Variants in CHD5 observed in about 807,000 individuals in gnomAD.
CHD5 encodes chromodomain helicase DNA binding protein 5.
In CHD5, 69 loss-of-function variants were observed where a neutral mutation model predicts 230.3. The ratio of observed to expected loss-of-function variants is 0.30; its 90% CI spans 0.25 to 0.37. The LOEUF (loss-of-function observed/expected upper bound fraction) is 0.37, where lower values mean the gene tolerates loss of function less well. CHD5 is among the 10% of genes least tolerant of loss of function. CHD5 has a pLI of 1.00. For missense variants in CHD5, 1,827 were observed against 2,622.8 expected (o/e 0.70, Z 6.63); for synonymous variants, 1,064 against 1,065.9 (o/e 1.00, Z 0.03).
intron 38 of CHD5, 36 bp downstream of exon 38, chr1:6,109,759 C>G: frequency 6.4e-7 from 1 of 1,573,620 alleles, no homozygotes; most frequent in Non-Finnish European, 8.7e-7. Flanking sequence ...GGAGGAAGGG[C>G]GGGGGGCTGC....
At chr1:6,179,436 C>A (rs1667477166) in intron 1 of CHD5, among the ~76,000 whole-genome samples, 1 of 152,146 alleles carries the variant, frequency 6.6e-6, no homozygotes, top group Non-Finnish European at 1.5e-5. Context: ...GGGCGCTCAA[C>A]GCGTCCCCAA....
rs750348319 is a variant in CHD5, at chr1:6,144,125, C to G, written c.1833G>C (p.Leu611=). 24 of 1,614,178 alleles carry G rather than the reference C, an allele frequency of 1.5e-5. 1 individual carries two copies. In the South Asian group the frequency reaches 2.5e-4, roughly 17 times the overall value. The change falls in exon 12 of 42, where the codon CTG becomes CTC. Residue 611 remains leucine, a synonymous_variant. Transcript: ENST00000262450. ...SFDKKGDVHY[L]IKWKDLPYDQ... is the part of the protein sequence containing the mutation. ...CGTAGGGCAGGTCTTTCCACTTGAT[C>G]AGGTAGTGCACATCCCCCTTCTTGT...
rs751171506 is a variant in CHD5, at chr1:6,159,417, TTTCTTC to T, written c.300_305del (p.Lys101_Lys102del). On this transcript the variant is annotated inframe_deletion, in exon 3 of 42. Coordinates refer to ENST00000262450, the MANE Select transcript of CHD5 (RefSeq NM_015557.3). ...CTTTTTTCTCCTTCTTGTCCTTGAG[TTTCTTC>T]TTCTTCTTTTTATTCGGGGAGTAGT... The T allele has an allele frequency of 1.9e-6, 3 of 1,561,694 alleles. No individual in the cohort carries two copies. The highest frequency in any genetic ancestry group is 2.7e-5 in the African/African-American group (2 of 73,420).
chr1:6,131,767 C>G lies in CHD5; in HGVS notation c.3145-19G>C. 1.9e-6 allele frequency: 3 copies of G among 1,544,632 alleles called. No individual in the cohort carries two copies. Among genetic ancestry groups the G allele is most frequent in the Non-Finnish European group, 2.7e-6 (3 of 1,118,406 alleles). ...TGGTCATCTGCAGGGGAGACGGGCA[C>G]GTGAGGAACTGCCAAGGAGCAAGGG... On this transcript the variant is annotated intron_variant, in intron 20 of 41. Transcript: ENST00000262450. The surrounding 1 kb of genome is among the most constrained non-coding windows in gnomAD (Gnocchi z 5.0).
At chr1:6,152,945 G>T (rs1226428441) in intron 5 of CHD5, among the ~76,000 whole-genome samples, 1 of 152,224 alleles carries the variant, frequency 6.6e-6, no homozygotes, top group Non-Finnish European at 1.5e-5. Flanking sequence ...GAGCCAAAAG[G>T]CCTTTTCCCA....
At chr1:6,106,834 G>A in intron 38 of CHD5, 55 bp from the exon 39 acceptor site, 7 of 1,496,076 alleles carry the variant, frequency 4.7e-6, no homozygotes, top group Non-Finnish European at 6.4e-6. Context: ...GTGGAGGGAT[G>A]GAGGAGTGGA....
Position 6,121,655 on chromosome 1 carries a change from A to C in CHD5, c.4700-82T>G. 2.0e-6 allele frequency: 2 copies of C among 994,166 alleles called. No individual in the cohort carries two copies. Among genetic ancestry groups the C allele is most frequent in the Non-Finnish European group, 3.1e-6 (2 of 654,374 alleles). The allele number at this position is 994,166 out of a possible 1,614,324, so 61.6% of individuals were successfully genotyped here. A position where few individuals can be genotyped will look rare whatever the true frequency, so the allele number is the denominator to read the frequency against. ...CAGGGAGTGGGGTGGCAGAGAGGAG[A>C]GATGGGGGCTTGGCCTTCGGGAGGC... On this transcript the variant is annotated intron_variant, in intron 31 of 41. Coordinates refer to ENST00000262450, the MANE Select transcript of CHD5 (RefSeq NM_015557.3). The surrounding 1 kb of genome is among the most constrained non-coding windows in gnomAD (Gnocchi z 4.5).
At chr1:6,162,394 AAAAGAAAAGAAAAG>A (rs1021548366) in intron 2 of CHD5, among the ~76,000 whole-genome samples, 4 of 152,010 alleles carry the variant, frequency 2.6e-5, no homozygotes, top group Non-Finnish European at 4.4e-5. Flanking sequence ...CTCAAAAAAA[AAAAGAAAAGAAAAG>A]AAAGAAAAGA....
chr1:6,106,453 G>A lies in CHD5; in HGVS notation c.5799C>T (p.Gly1933=), dbSNP rs781029461. ...AGTTGACAATCCCTCCCGGTCCAGG[G>A]CCCCGGAAGTTGGGCCCAAAGTTGT... ...YSNNFGPNFR[G]PGPGGIVNYN... The change falls in exon 40 of 42, where the codon GGC becomes GGT. Residue 1933 remains glycine (G), a synonymous_variant. Transcript: ENST00000262450. The A allele has an allele frequency of 3.8e-6, 6 of 1,566,158 alleles. No individual in the cohort carries two copies. The South Asian group carries it at 7.0e-5, about 18-fold the overall frequency.
intron 11 of CHD5, among the ~76,000 whole-genome samples, chr1:6,145,646 G>A (rs1666897434): frequency 6.6e-6 from 1 of 152,228 alleles, no homozygotes; most frequent in South Asian, 2.1e-4. Flanking sequence ...AGGAAGAGCT[G>A]CTGCTGGGGC....
rs1426796259 is a variant in CHD5, at chr1:6,102,123, G to A, written c.*3351C>T. The A allele has an allele frequency of 3.1e-6, 1 of 327,232 alleles. No homozygotes were observed. The highest frequency in any genetic ancestry group is 5.6e-5 in the Admixed American group (1 of 17,736). 20.3% of individuals were successfully genotyped at this position (327,232 alleles called of 1,614,324 possible). A position where few individuals can be genotyped will look rare whatever the true frequency, so the allele number is the denominator to read the frequency against. Reference sequence around the variant, plus strand: ...CACACCCCTGAACTCAGACCCCACGGGCCAGTGGGGACCCTCCCTTCCTCT... The same window carrying A: ...CACACCCCTGAACTCAGACCCCACGAGCCAGTGGGGACCCTCCCTTCCTCT... On this transcript the variant is annotated 3_prime_UTR_variant, in exon 42 of 42. Transcript: ENST00000262450.
intron 1 of CHD5, among the ~76,000 whole-genome samples, chr1:6,170,838 G>C (rs949881949): frequency 1.3e-5 from 2 of 152,230 alleles, no homozygotes; most frequent in African/African-American, 4.8e-5. Flanking sequence ...AGGTGTCGGT[G>C]GGGCAGTGGC....
chr1:6,175,390 C>A (rs11121416), intron 1 of CHD5, among the ~76,000 whole-genome samples: 10,598 of 107,294 alleles, frequency 0.099, 1,345 homozygotes, highest in African/African-American at 0.39. Context: ...TGGATGGATG[C>A]ATGGATGGAT....
chr1:6,114,167 C>T (rs1557537867), intron 33 of CHD5, among the ~76,000 whole-genome samples: 9 of 151,814 alleles, frequency 5.9e-5, no homozygotes, highest in Non-Finnish European at 7.4e-5. Flanking sequence ...GCAGGAGAAT[C>T]GCTTGAACCC....
At position 6,142,045 on chromosome 1, in the gene CHD5, C is replaced by A. The variant is rs960265798; in HGVS notation, c.2436+83G>T. The stretch of plus-strand genomic sequence containing the variant: ...CGGTAGCCCTCCCAGGCTGAGGGAC[C>A]CCAAAGGAGTGCACGGCACCCGTGG... On this transcript the variant is annotated intron_variant, in intron 15 of 41. Coordinates refer to ENST00000262450, the MANE Select transcript of CHD5 (RefSeq NM_015557.3). The surrounding 1 kb of genome is among the most constrained non-coding windows in gnomAD (Gnocchi z 5.2). The A allele has an allele frequency of 6.2e-6, 8 of 1,288,902 alleles. No homozygotes were observed. The highest frequency in any genetic ancestry group is 1.3e-5 in the South Asian group (1 of 79,662). 79.8% of individuals were successfully genotyped at this position (1,288,902 alleles called of 1,614,324 possible). A position where few individuals can be genotyped will look rare whatever the true frequency, so the allele number is the denominator to read the frequency against.
intron 1 of CHD5, among the ~76,000 whole-genome samples, chr1:6,172,982 G>A (rs1446119151): frequency 6.6e-6 from 1 of 152,120 alleles, no homozygotes; most frequent in Non-Finnish European, 1.5e-5. Flanking sequence ...AGGATTTGCA[G>A]GGGCCAAGCC....
rs1252424892 is a variant in CHD5 at position 6,121,018 on chromosome 1, GA to G, written c.4912+86del. The G allele has an allele frequency of 7.1e-7, 1 of 1,400,612 alleles. No homozygotes were observed. Among genetic ancestry groups the G allele is most frequent in the East Asian group, 2.6e-5 (1 of 38,820 alleles). 86.8% of individuals were successfully genotyped at this position (1,400,612 alleles called of 1,614,324 possible). A position where few individuals can be genotyped will look rare whatever the true frequency, so the allele number is the denominator to read the frequency against. ...CCTCTCTGCCAGGGAGAAATGAGCGGAAGTACAGCCACCTGCCCTTCTCTGA... is the reference window on the plus strand; with the variant it reads ...CCTCTCTGCCAGGGAGAAATGAGCGGAGTACAGCCACCTGCCCTTCTCTGA... On this transcript the variant is annotated intron_variant, in intron 33 of 41. Transcript: ENST00000262450. The surrounding 1 kb of genome is among the most constrained non-coding windows in gnomAD (Gnocchi z 4.5).
Position 6,125,868 on chromosome 1 carries a change from G to A in CHD5, c.4079-10C>T, listed in dbSNP as rs746229572. 7.5e-6 allele frequency: 12 copies of A among 1,603,470 alleles called. No individual in the cohort carries two copies. Among genetic ancestry groups the A allele is most frequent in the South Asian group, 1.1e-5 (1 of 90,934 alleles). On this transcript the variant is annotated splice_polypyrimidine_tract_variant and intron_variant, in intron 26 of 41. Coordinates refer to ENST00000262450, the MANE Select transcript of CHD5 (RefSeq NM_015557.3). The surrounding 1 kb of genome is among the most constrained non-coding windows in gnomAD (Gnocchi z 6.7). ...AGCTCATCCTGCCACTCTGCAGGGG[G>A]CCAGACAGAGGGGCACGGAGTGAGC...
intron 3 of CHD5, among the ~76,000 whole-genome samples, chr1:6,157,918 G>A (rs1465718578): frequency 2.6e-5 from 4 of 152,126 alleles, no homozygotes; most frequent in Non-Finnish European, 5.9e-5. Flanking sequence ...CAGGTGTCAG[G>A]ACACCGCCAG....
Sources: gnomAD v4.1 joint callset for allele counts (sites outside exome capture counted in the v4.1 genomes callset) on GRCh38, gnomAD v4.1.1 for gene constraint, Gnocchi (gnomAD v3.1) non-coding constraint, MANE v1.5 for transcripts, NCBI Gene and HGNC (gene_info 2026-07-23, HGNC 2026-07-21) for gene names.